The following NLRP7 variants were observed in gnomAD, a reference collection of about 807,000 sequenced individuals.
NLRP7 encodes NACHT, LRR and PYD domains-containing protein 7.
NLRP7 carries 72 observed loss-of-function variants against 85.5 expected under a neutral mutation model. The observed-to-expected ratio is 0.84, with a 90% CI of 0.70 to 1.02. The LOEUF (loss-of-function observed/expected upper bound fraction) is 1.02, where lower values mean the gene tolerates loss of function less well. Ranked by LOEUF, NLRP7 falls within the 50% of genes least tolerant of loss-of-function variation. NLRP7 has a pLI of 0.00. For synonymous variants in NLRP7, 550 were observed against 505.2 expected, an observed-to-expected ratio of 1.09 and a Z score of -1.19; for missense variants, 1,243 against 1,219.5, an observed-to-expected ratio of 1.02 and a Z score of -0.29.
chr19:54,957,031 T>C (rs1398722004), intron 1 of NLRP7, among the ~76,000 whole-genome samples: 2 of 148,580 alleles, frequency 1.3e-5, no homozygotes, highest in African/African-American at 5.0e-5. Context: ...TATTTATTTA[T>C]TTTATTTTGA....
chr19:54,955,905 G>T (rs1459214573), intron 1 of NLRP7, among the ~76,000 whole-genome samples: 1 of 152,026 alleles, frequency 6.6e-6, no homozygotes, highest in Non-Finnish European at 1.5e-5. Flanking sequence ...TTGCAAAAAT[G>T]CACTCCAGCC....
At chr19:54,927,175 G>A (rs551773586) in intron 9 of NLRP7, among the ~76,000 whole-genome samples, 2 of 151,994 alleles carry the variant, frequency 1.3e-5, no homozygotes, top group East Asian at 1.9e-4. Flanking sequence ...GCTCACCTGA[G>A]GTCAGGAGTT....
chr19:54,943,018 GAACCTGTA>G (rs1342583851), intron 1 of NLRP7, among the ~76,000 whole-genome samples: 2 of 151,844 alleles, frequency 1.3e-5, no homozygotes, highest in Non-Finnish European at 2.9e-5. Flanking sequence ...GTAGTGGTAG[GAACCTGTA>G]ATCCCAGGTA....
intron 6 of NLRP7, among the ~76,000 whole-genome samples, chr19:54,935,222 AG>A (rs1556727761): frequency 0.12 from 16,463 of 142,230 alleles, 2,975 homozygotes; most frequent in African/African-American, 0.39. Flanking sequence ...ATGATTTTGC[AG>A]GGGGGAAAAA....
chr19:54,941,963 C>T (rs894008152), intron 1 of NLRP7, among the ~76,000 whole-genome samples: 7 of 152,008 alleles, frequency 4.6e-5, no homozygotes, highest in African/African-American at 1.2e-4. Flanking sequence ...GTAAAAAGAA[C>T]GAACAAAAGG....
At chr19:54,941,106 G>T in intron 2 of NLRP7, 101 bp from the exon 3 acceptor site, 1 of 900,920 alleles carries the variant, frequency 1.1e-6, no homozygotes, top group Non-Finnish European at 1.9e-6. Flanking sequence ...GCTCATGCCT[G>T]TAATCACAGC....
intron 8 of NLRP7, among the ~76,000 whole-genome samples, chr19:54,933,170 G>A (rs1049307037): frequency 2.6e-5 from 4 of 151,934 alleles, no homozygotes; most frequent in African/African-American, 7.3e-5. Flanking sequence ...TTTTGAGAAG[G>A]AGTCTTGTTC....
Position 54,934,482 on chromosome 19 carries a change from G to A in NLRP7, c.2471+7C>T, listed in dbSNP as rs780561484. ...ACCAGAGCTGCCCATGGGAAGAGGA[G>A]ACTTACGACAACATCTGCAGGAAGT... On this transcript the variant is annotated splice_region_variant and intron_variant, in intron 7 of 9. Coordinates refer to ENST00000340844, the Ensembl canonical transcript of NLRP7. This position sits in a 1 kb window ranked among gnomAD's most constrained non-coding sequence, Gnocchi z 6.7. 6.2e-7 allele frequency: 1 copy of A among 1,614,032 alleles called. No homozygotes were observed. Among genetic ancestry groups the A allele is most frequent in the Non-Finnish European group, 8.5e-7 (1 of 1,179,900 alleles).
At chr19:54,953,996 G>C (rs2069764233) in intron 1 of NLRP7, among the ~76,000 whole-genome samples, 1 of 151,194 alleles carries the variant, frequency 6.6e-6, no homozygotes. Flanking sequence ...GACAGAGCGA[G>C]ACTCCGTCTC....
In NLRP7 at chr19:54,934,643, C is replaced by T. The variant is rs2068826040; in HGVS notation, c.2317G>A (p.Ala773Thr). 2 of 1,613,298 alleles carry T rather than the reference C, an allele frequency of 1.2e-6. No homozygotes were observed. Among genetic ancestry groups the T allele is most frequent in the South Asian group, 1.1e-5 (1 of 91,060 alleles). ...AATTCAGCCCACTGCTCCGGGGTGG[C>T]ACAGTGACCTCCCAACCTGTGAAAA... Residue 773 changes from alanine to threonine, a missense_variant, in exon 7 of 10, where the codon GCC (alanine) becomes ACC (threonine). Physicochemically the swap from Ala to Thr is moderately conservative, Grantham distance 58 (BLOSUM62 0). Transcript: ENST00000340844. The surrounding 1 kb of genome is among the most constrained non-coding windows in gnomAD (Gnocchi z 6.7).
At chr19:54,951,982 G>A (rs2069684422), upstream of NLRP7, among the ~76,000 whole-genome samples, 1 of 152,044 alleles carries the variant, frequency 6.6e-6, no homozygotes, top group South Asian at 2.1e-4. Flanking sequence ...TCGATCTCCT[G>A]ACCTCGTGAT....
chr19:54,936,144 G>T, intron 6 of NLRP7, 117 bp downstream of exon 6: 1 of 885,250 alleles, frequency 1.1e-6, no homozygotes, highest in Non-Finnish European at 1.8e-6. Context: ...GCCTGTTTGA[G>T]GAATACATTC....
chr19:54,953,151 T>C (rs2069725847), intron 1 of NLRP7: 1 of 151,974 alleles, frequency 6.6e-6, no homozygotes, highest in African/African-American at 2.4e-5. Flanking sequence ...CATAAGGACC[T>C]TGCTGATAAC....
chr19:54,958,570 G>A (rs112568270), intron 1 of NLRP7, among the ~76,000 whole-genome samples: 3,211 of 152,040 alleles, frequency 0.021, 104 homozygotes, highest in African/African-American at 0.073. Flanking sequence ...GCTTGAACCC[G>A]GGAGGCAAAG....
Position 54,925,198 on chromosome 19 carries a change from C to T in NLRP7, c.2811-1326G>A, listed in dbSNP as rs118062969. ...GAACTGAGGAATGAGAAAAGAAATA[C>T]GCCCCAAACATATGACATAAGAGAC... is the stretch of plus-strand genomic sequence containing the variant. On this transcript the variant is annotated intron_variant, in intron 9 of 9. Coordinates refer to ENST00000340844, the Ensembl canonical transcript of NLRP7. Among the ~76,000 whole-genome samples the T allele has an allele frequency of 5.1e-3, 773 of 152,158 alleles. 5 individuals are homozygous for T. Among genetic ancestry groups the T allele is most frequent in the Non-Finnish European group, 7.3e-3 (496 of 68,020 alleles).
intron 1 of NLRP7, among the ~76,000 whole-genome samples, chr19:54,958,508 A>G (rs1229475159): frequency 6.6e-6 from 1 of 150,956 alleles, no homozygotes; most frequent in Non-Finnish European, 1.5e-5. Context: ...AGCTGGGCAT[A>G]GTGGTGCATG....
chr19:54,962,653 G>A (rs916984189), intron 1 of NLRP7, among the ~76,000 whole-genome samples: 2 of 151,150 alleles, frequency 1.3e-5, no homozygotes, highest in African/African-American at 4.8e-5. Context: ...AGGCTGGAGT[G>A]CAGTGGCGCG....
intron 8 of NLRP7, among the ~76,000 whole-genome samples, chr19:54,933,059 T>C (rs1214507100): frequency 2.6e-5 from 4 of 152,188 alleles, no homozygotes; most frequent in African/African-American, 9.6e-5. Flanking sequence ...AACCAACTAC[T>C]CATCTCAAAT....
intron 5 of NLRP7, 24 bp from the exon 6 acceptor site, chr19:54,936,455 C>T (rs1305621883): frequency 1.3e-6 from 2 of 1,595,598 alleles, no homozygotes; most frequent in African/African-American, 2.7e-5. Flanking sequence ...GAAGAGATTC[C>T]ACTTGGAGTG....
Sources: allele counts gnomAD v4.1 joint callset (sites outside exome capture counted in the v4.1 genomes callset), GRCh38; gene constraint gnomAD v4.1.1; non-coding constraint Gnocchi (gnomAD v3.1); transcripts MANE v1.5; gene names NCBI Gene and HGNC (gene_info 2026-07-23, HGNC 2026-07-21).